NMRK1: variants seen among roughly 807,000 people sequenced by gnomAD.
NMRK1 encodes the protein nicotinamide riboside kinase 1.
Under a neutral mutation model 29.9 loss-of-function variants are expected in NMRK1, and 28 were observed. The ratio of observed to expected loss-of-function variants is 0.94; its 90% CI spans 0.69 to 1.28. NMRK1 has a LOEUF of 1.28. Ranked by LOEUF, NMRK1 falls within the 50% of genes most tolerant of loss-of-function variation. The pLI is 0.00. For synonymous variants in NMRK1, 58 were observed against 73.0 expected (o/e 0.79, Z 1.05); for missense variants, 218 against 233.1 (o/e 0.94, Z 0.42).
chr9:75,087,093 G>A (rs1255593421), intron 1 of NMRK1, among the ~76,000 whole-genome samples: 1 of 152,056 alleles, frequency 6.6e-6, no homozygotes, highest in African/African-American at 2.4e-5. Flanking sequence ...TTTTAGTAGA[G>A]ATCGGGTTTC....
chr9:75,074,499 G>A (rs1823881570), intron 4 of NMRK1, among the ~76,000 whole-genome samples: 1 of 151,782 alleles, frequency 6.6e-6, no homozygotes, highest in African/African-American at 2.4e-5. Flanking sequence ...TGAGCCTCTC[G>A]CCTCAGTCTC....
rs774893922 is a variant in NMRK1 at position 75,083,185 on chromosome 9, C to T, written c.-35-35G>A. ...AAAAAACAAACAAACAAATCAAATGCATTTCATTTAGATGTCTAGGGAGAT... is the reference window on the plus strand; with the variant it reads ...AAAAAACAAACAAACAAATCAAATGTATTTCATTTAGATGTCTAGGGAGAT... On this transcript the variant is annotated intron_variant, in intron 1 of 8. Coordinates refer to ENST00000361092, the MANE Select transcript of NMRK1 (RefSeq NM_017881.3). 16 of 1,102,704 alleles carry T rather than the reference C, an allele frequency of 1.5e-5. No individual in the cohort carries two copies. In the South Asian group the frequency reaches 1.6e-4, roughly 11 times the overall value. The allele number at this position is 1,102,704 out of a possible 1,614,324, so 68.3% of individuals were successfully genotyped here.
chr9:75,078,475 T>C, intron 2 of NMRK1: 3 of 1,457,108 alleles, frequency 2.1e-6, no homozygotes. Flanking sequence ...GGGCACTGAG[T>C]TACTCCTCTT....
intron 4 of NMRK1, among the ~76,000 whole-genome samples, chr9:75,074,795 C>G (rs1823898069): frequency 6.6e-6 from 1 of 152,190 alleles, no homozygotes; most frequent in Non-Finnish European, 1.5e-5. Flanking sequence ...CATTTTAAAA[C>G]TATCCTGTTT....
At chr9:75,069,679 C>T (rs1823580416) in intron 6 of NMRK1, 63 bp downstream of exon 6, 1 of 1,312,038 alleles carries the variant, frequency 7.6e-7, no homozygotes, top group South Asian at 1.2e-5. Context: ...TGTTGCTGTC[C>T]TCATTTTTCT....
intron 2 of NMRK1, chr9:75,078,371 C>G (rs1000664220): frequency 1.3e-6 from 2 of 1,571,826 alleles, no homozygotes; most frequent in African/African-American, 1.3e-5. Context: ...CCCCATCTCT[C>G]TCCACCTGGG....
intron 7 of NMRK1, among the ~76,000 whole-genome samples, chr9:75,067,496 G>A (rs1227096807): frequency 1.3e-5 from 2 of 152,232 alleles, no homozygotes; most frequent in Admixed American, 1.3e-4. Context: ...CAAGAGCACT[G>A]ATGCACCCTT....
intron 8 of NMRK1, among the ~76,000 whole-genome samples, chr9:75,064,014 A>T (rs1185844782): frequency 6.6e-6 from 1 of 152,162 alleles, no homozygotes; most frequent in Non-Finnish European, 1.5e-5. Flanking sequence ...GGCATAGCTA[A>T]ATACTTTCCT....
At chr9:75,081,720 A>T (rs1824332086) in intron 2 of NMRK1, among the ~76,000 whole-genome samples, 1 of 152,152 alleles carries the variant, frequency 6.6e-6, no homozygotes, top group Non-Finnish European at 1.5e-5. Flanking sequence ...AACAGAACCC[A>T]CTGACCTAAA....
intron 8 of NMRK1, among the ~76,000 whole-genome samples, chr9:75,065,727 A>G (rs4262373): frequency 0.14 from 20,972 of 152,178 alleles, 1,805 homozygotes; most frequent in Non-Finnish European, 0.19. Context: ...GGCCATAGTG[A>G]TTGGTTTGGC....
intron 7 of NMRK1, 163 bp from the exon 8 acceptor site, chr9:75,067,003 G>T: frequency 1.9e-6 from 1 of 515,708 alleles, no homozygotes; most frequent in South Asian, 3.0e-5. Flanking sequence ...AGAAATAGAT[G>T]CTAGCCAGCT....
chr9:75,068,070 C>CTGG (rs2118047451), intron 7 of NMRK1, among the ~76,000 whole-genome samples: 1 of 152,272 alleles, frequency 6.6e-6, no homozygotes, highest in South Asian at 2.1e-4. Flanking sequence ...ATGCATTCCT[C>CTGG]CCTTACAGGT....
chr9:75,068,423 AGC>A (rs1823493168), intron 7 of NMRK1, among the ~76,000 whole-genome samples: 1 of 152,180 alleles, frequency 6.6e-6, no homozygotes, highest in Non-Finnish European at 1.5e-5. Context: ...TTTACTAGAA[AGC>A]TTTCTCAACA....
chr9:75,078,403 T>G, intron 2 of NMRK1: 2 of 1,557,118 alleles, frequency 1.3e-6, no homozygotes, highest in Non-Finnish European at 1.7e-6. Context: ...AGGTCTGCTG[T>G]AGCTTATCAC....
At chr9:75,070,093 G>A (rs1823615242) in intron 4 of NMRK1, 51 bp from the exon 5 acceptor site, 1 of 1,522,934 alleles carries the variant, frequency 6.6e-7, no homozygotes, top group Middle Eastern at 1.7e-4. Context: ...AAAATTTTGT[G>A]ATGTGACTTT....
rs986775933 is a variant in NMRK1, at chr9:75,084,357, A to C, written c.-35-1207T>G. Among the ~76,000 whole-genome samples, 12 of 152,356 alleles carry C rather than the reference A, an allele frequency of 7.9e-5. No individual in the cohort carries two copies. The East Asian group carries it at 1.2e-3, about 15-fold the overall frequency. On this transcript the variant is annotated intron_variant, in intron 1 of 8. Coordinates refer to ENST00000361092, the MANE Select transcript of NMRK1 (RefSeq NM_017881.3). ...CTCTCCCTGGGGAGGGGTTATGCAG[A>C]AAAAAGCCTGGTGGGAAGAGGGCTA...
At chr9:75,078,507 G>C (rs554795614) in intron 2 of NMRK1, 2 of 1,040,052 alleles carry the variant, frequency 1.9e-6, no homozygotes, top group African/African-American at 1.8e-5. Context: ...TTGCAGCATC[G>C]AGGAGATCAC....
intron 7 of NMRK1, 116 bp from the exon 8 acceptor site, chr9:75,066,956 A>G (rs1040222725): frequency 4.8e-6 from 3 of 625,906 alleles, no homozygotes; most frequent in Non-Finnish European, 5.7e-6. Context: ...GGCACCCAGG[A>G]CCATAACTTA....
intron 2 of NMRK1, among the ~76,000 whole-genome samples, chr9:75,082,507 G>A (rs1824377828): frequency 6.6e-6 from 1 of 152,300 alleles, no homozygotes; most frequent in South Asian, 2.1e-4. Context: ...AACAAATAAT[G>A]TCATTTTCAG....
Sources: gnomAD v4.1 joint callset for allele counts (sites outside exome capture counted in the v4.1 genomes callset) on GRCh38, gnomAD v4.1.1 for gene constraint, MANE v1.5 for transcripts, NCBI Gene and HGNC (gene_info 2026-07-23, HGNC 2026-07-21) for gene names.